The following SLC2A1 variants were observed in gnomAD, a reference collection of about 807,000 sequenced individuals.
SLC2A1 encodes the protein solute carrier family 2, facilitated glucose transporter member 1.
In SLC2A1, 4 loss-of-function variants were observed where a neutral mutation model predicts 46.6. The observed-to-expected ratio is 0.09, with a 90% CI of 0.04 to 0.20. The LOEUF is 0.20. Ranked by LOEUF, SLC2A1 falls within the 10% of genes least tolerant of loss-of-function variation. The pLI is 1.00. For missense variants in SLC2A1, 352 were observed against 667.0 expected (o/e 0.53, Z 5.20); for synonymous variants, 253 against 270.0 (o/e 0.94, Z 0.62).
intron 2 of SLC2A1, among the ~76,000 whole-genome samples, chr1:42,935,374 C>T (rs1054932127): frequency 1.3e-5 from 2 of 152,186 alleles, no homozygotes; most frequent in African/African-American, 4.8e-5. Flanking sequence ...ACACCACCTC[C>T]CGCCAGTCGA....
At chr1:42,928,278 T>A (rs115114003) in intron 8 of SLC2A1, among the ~76,000 whole-genome samples, 142 of 152,364 alleles carry the variant, frequency 9.3e-4, no homozygotes, top group African/African-American at 3.4e-3. Context: ...TTGCTGCCTG[T>A]CTGGCCTTTC....
rs1271697542 is a variant in SLC2A1 at position 42,925,759 on chromosome 1, A to G, written c.*1282T>C. On this transcript the variant is annotated 3_prime_UTR_variant, in exon 10 of 10. Transcript: ENST00000426263. ...AATGGAGTAGTGGTTGTATGGTACC[A>G]TTGTTAAAAGCAGGTGTTTTAGCTT... The G allele has an allele frequency of 6.6e-6, 1 of 152,192 alleles. No homozygotes were observed. Among genetic ancestry groups the G allele is most frequent in the East Asian group, 1.9e-4 (1 of 5,206 alleles). 9.4% of individuals were successfully genotyped at this position (152,192 alleles called of 1,614,324 possible).
chr1:42,939,034 T>C (rs947805792), intron 2 of SLC2A1, among the ~76,000 whole-genome samples: 19 of 152,188 alleles, frequency 1.2e-4, no homozygotes, highest in Non-Finnish European at 4.4e-5. Context: ...GCTATACTTC[T>C]CTCTCCTTAC....
intron 1 of SLC2A1, among the ~76,000 whole-genome samples, chr1:42,958,027 A>G (rs1202509382): frequency 6.6e-6 from 1 of 152,172 alleles, no homozygotes; most frequent in African/African-American, 2.4e-5. Context: ...GCCTGGAGAA[A>G]AGTGCCCTCC....
At chr1:42,950,818 C>T (rs930040089) in intron 1 of SLC2A1, among the ~76,000 whole-genome samples, 1 of 152,076 alleles carries the variant, frequency 6.6e-6, no homozygotes, top group African/African-American at 2.4e-5. Context: ...ACTAAAAATA[C>T]GAAAAATTAG....
rs758322888 is a variant in SLC2A1 at position 42,927,586 on chromosome 1, A to G, written c.1278+19T>C. The G allele has an allele frequency of 3.3e-6, 4 of 1,217,658 alleles. No homozygotes were observed. Among genetic ancestry groups the G allele is most frequent in the Non-Finnish European group, 2.3e-6 (2 of 886,150 alleles). The allele number at this position is 1,217,658 out of a possible 1,614,324, so 75.4% of individuals were successfully genotyped here. ...GGGTCATGCGTGCGGGTGAGTATAG[A>G]GACAGTGGGGGTTCTCACCTCCACA... On this transcript the variant is annotated intron_variant, in intron 9 of 9. Coordinates refer to ENST00000426263, the MANE Select transcript of SLC2A1 (RefSeq NM_006516.4). This position sits in a 1 kb window ranked among gnomAD's most constrained non-coding sequence, Gnocchi z 5.3.
Position 42,925,888 on chromosome 1 carries a change from G to A in SLC2A1, c.*1153C>T, listed in dbSNP as rs1643420307. ...AATGCATTTCAAGCCTGAGCATCAC[G>A]GCTGGCACAAAACTAGTGTTTTTTT... On this transcript the variant is annotated 3_prime_UTR_variant, in exon 10 of 10. Coordinates refer to ENST00000426263, the MANE Select transcript of SLC2A1 (RefSeq NM_006516.4). 1 of 152,104 alleles carries A rather than the reference G, an allele frequency of 6.6e-6. No individual in the cohort carries two copies. Among genetic ancestry groups the A allele is most frequent in the Non-Finnish European group, 1.5e-5 (1 of 68,018 alleles). The allele number at this position is 152,104 out of a possible 1,614,324, so 9.4% of individuals were successfully genotyped here.
Position 42,930,501 on chromosome 1 carries a change from T to G in SLC2A1, c.516+125A>C, listed in dbSNP as rs955359721. On this transcript the variant is annotated intron_variant, in intron 4 of 9. Coordinates refer to ENST00000426263, the MANE Select transcript of SLC2A1 (RefSeq NM_006516.4). This position sits in a 1 kb window ranked among gnomAD's most constrained non-coding sequence, Gnocchi z 6.2. ...TGTTCTCTGGACCTGTGTACCATAG[T>G]TGTCCTCTGCAAGGCTGTGGGGGCT... 7.6e-7 allele frequency: 1 copy of G among 1,311,468 alleles called. No homozygotes were observed. The highest frequency in any genetic ancestry group is 1.9e-5 in the Admixed American group (1 of 51,480). 81.2% of individuals were successfully genotyped at this position (1,311,468 alleles called of 1,614,324 possible).
At chr1:42,957,789 C>T (rs1424078336) in intron 1 of SLC2A1, among the ~76,000 whole-genome samples, 7 of 152,180 alleles carry the variant, frequency 4.6e-5, no homozygotes, top group African/African-American at 1.7e-4. Flanking sequence ...TCCCTCATTC[C>T]CCAACCCCGT....
chr1:42,943,746 G>A (rs1017857138), intron 1 of SLC2A1, among the ~76,000 whole-genome samples: 3 of 152,166 alleles, frequency 2.0e-5, no homozygotes, highest in Non-Finnish European at 4.4e-5. Flanking sequence ...GATAGGAGAA[G>A]CACCCTGGAT....
At chr1:42,928,799 AAGTC>A in intron 8 of SLC2A1, 129 bp downstream of exon 8, 4 of 818,140 alleles carry the variant, frequency 4.9e-6, no homozygotes, top group South Asian at 1.3e-5. Context: ...AGGAGCCAGA[AAGTC>A]AGACCCACAG....
chr1:42,928,924 C>T lies in SLC2A1; in HGVS notation c.1074+8G>A. 1 of 1,612,278 alleles carries T rather than the reference C, an allele frequency of 6.2e-7. No homozygotes were observed. The highest frequency in any genetic ancestry group is 8.5e-7 in the Non-Finnish European group (1 of 1,178,496). On this transcript the variant is annotated splice_region_variant and intron_variant, in intron 8 of 9. Coordinates refer to ENST00000426263, the MANE Select transcript of SLC2A1 (RefSeq NM_006516.4). ...GCATCCCTCACTCTCCAGAACCTAG[C>T]AACTCACCAGCAGTGCTAGCGCGAT...
chr1:42,928,298 C>T (rs1643449733), intron 8 of SLC2A1, among the ~76,000 whole-genome samples: 2 of 152,212 alleles, frequency 1.3e-5, no homozygotes, highest in Non-Finnish European at 2.9e-5. Context: ...CGGCAACCAC[C>T]AAACTTTCCA....
chr1:42,941,301 G>A (rs1014991163), intron 2 of SLC2A1, among the ~76,000 whole-genome samples: 6 of 152,196 alleles, frequency 3.9e-5, no homozygotes, highest in East Asian at 1.9e-4. Flanking sequence ...TGACTGTGCC[G>A]TGCCATACTC....
chr1:42,934,047 T>G (rs975487370), intron 2 of SLC2A1, among the ~76,000 whole-genome samples: 1 of 152,194 alleles, frequency 6.6e-6, no homozygotes, highest in African/African-American at 2.4e-5. Context: ...TGGAATTTGT[T>G]TGAATTGTAT....
chr1:42,935,634 G>A (rs745743420), intron 2 of SLC2A1, among the ~76,000 whole-genome samples: 35 of 152,306 alleles, frequency 2.3e-4, no homozygotes, highest in Non-Finnish European at 3.8e-4. Context: ...AAGGAACTAC[G>A]GGCCTGCCTC....
In SLC2A1 at chr1:42,927,560, G is replaced by A. The variant is rs1272490930; in HGVS notation, c.1278+45C>T. On this transcript the variant is annotated intron_variant, in intron 9 of 9. Transcript: ENST00000426263. The surrounding 1 kb of genome is among the most constrained non-coding windows in gnomAD (Gnocchi z 5.3). ...GGGCCAGCACTTTGCACAGCACTGTGGGGTCATGCGTGCGGGTGAGTATAG... is the reference window on the plus strand; with the variant it reads ...GGGCCAGCACTTTGCACAGCACTGTAGGGTCATGCGTGCGGGTGAGTATAG... 9.8e-6 allele frequency: 15 copies of A among 1,534,118 alleles called. No individual in the cohort carries two copies. The Admixed American group carries it at 2.3e-4, about 23-fold the overall frequency.
At position 42,930,459 on chromosome 1, in the gene SLC2A1, G is replaced by A. The variant is rs1291311093; in HGVS notation, c.516+167C>T. The A allele has an allele frequency of 2.2e-6, 2 of 898,910 alleles. No homozygotes were observed. The highest frequency in any genetic ancestry group is 3.6e-6 in the Non-Finnish European group (2 of 552,458). The allele number at this position is 898,910 out of a possible 1,614,324, so 55.7% of individuals were successfully genotyped here. A position where few individuals can be genotyped will look rare whatever the true frequency, so the allele number is the denominator to read the frequency against. On this transcript the variant is annotated intron_variant, in intron 4 of 9. Transcript: ENST00000426263. This position sits in a 1 kb window ranked among gnomAD's most constrained non-coding sequence, Gnocchi z 6.2. ...GAGTCAAGTCATCTTGCTGTCAACT[G>A]GGAGGCCATGGTGCTGTGTTCTCTG...
intron 1 of SLC2A1, among the ~76,000 whole-genome samples, chr1:42,953,366 C>A (rs1643741171): frequency 1.3e-5 from 2 of 152,362 alleles, no homozygotes; most frequent in Non-Finnish European, 1.5e-5. Flanking sequence ...AAGACAGAGC[C>A]TCAGGCTCCA....
Sources: allele counts gnomAD v4.1 joint callset (sites outside exome capture counted in the v4.1 genomes callset), GRCh38; gene constraint gnomAD v4.1.1; non-coding constraint Gnocchi (gnomAD v3.1); transcripts MANE v1.5; gene names NCBI Gene and HGNC (gene_info 2026-07-23, HGNC 2026-07-21).